SGCZ: variants seen among roughly 807,000 people sequenced by gnomAD.
The protein encoded by SGCZ is zeta-sarcoglycan.
Under a neutral mutation model 41.3 loss-of-function variants are expected in SGCZ, and 40 were observed. That is an observed-to-expected ratio of 0.97 (90% CI 0.75 to 1.26). SGCZ has a LOEUF of 1.26. Ranked by LOEUF, SGCZ falls within the 50% of genes most tolerant of loss-of-function variation. The probability of loss-of-function intolerance (pLI) is 0.00; values close to 1 mark genes in which losing one functional copy is unlikely to be tolerated. For missense variants in SGCZ, 552 were observed against 369.8 expected (o/e 1.49, Z -4.04); for synonymous variants, 206 against 137.5 (o/e 1.50, Z -3.49).
intron 1 of SGCZ, among the ~76,000 whole-genome samples, chr8:14,717,612 T>C (rs890471176): frequency 1.3e-5 from 2 of 152,090 alleles, no homozygotes; most frequent in African/African-American, 4.8e-5. Context: ...TAAAGCCATA[T>C]GCTCAGAAAG....
At chr8:14,500,673 T>C (rs1043296186) in intron 2 of SGCZ, among the ~76,000 whole-genome samples, 1 of 152,064 alleles carries the variant, frequency 6.6e-6, no homozygotes, top group East Asian at 1.9e-4. Context: ...ACAGTTCTAA[T>C]CTTAGTTGAT....
intron 1 of SGCZ, among the ~76,000 whole-genome samples, chr8:14,927,829 A>T (rs1017278104): frequency 6.6e-6 from 1 of 152,174 alleles, no homozygotes; most frequent in African/African-American, 2.4e-5. Context: ...TCTTCTTTCA[A>T]TAATTAATAC....
chr8:14,963,550 G>A (rs1801036481), intron 1 of SGCZ, among the ~76,000 whole-genome samples: 1 of 151,952 alleles, frequency 6.6e-6, no homozygotes, highest in Admixed American at 6.6e-5. Flanking sequence ...GTTTCAACAT[G>A]TTGCCCAGGC....
intron 5 of SGCZ, among the ~76,000 whole-genome samples, chr8:14,158,161 A>AG (rs1803933821): frequency 6.6e-6 from 1 of 152,044 alleles, no homozygotes. Context: ...GTCCTTTAAT[A>AG]GAAGAAAAAA....
intron 1 of SGCZ, among the ~76,000 whole-genome samples, chr8:14,562,105 G>C (rs1421778291): frequency 6.6e-6 from 1 of 151,990 alleles, no homozygotes; most frequent in Non-Finnish European, 1.5e-5. Flanking sequence ...AAATAACTAG[G>C]GTAGCAGAGA....
At chr8:14,233,899 C>T in intron 4 of SGCZ, among the ~76,000 whole-genome samples, 1 of 151,754 alleles carries the variant, frequency 6.6e-6, no homozygotes, top group Admixed American at 6.6e-5. Context: ...GGAGTCTGAC[C>T]TCTTGGGATG....
rs115574723 is a variant in SGCZ at position 14,149,582 on chromosome 8, A to G, written c.547+14998T>C. Among the ~76,000 whole-genome samples, 531 of 152,066 alleles carry G rather than the reference A, an allele frequency of 3.5e-3. 5 individuals are homozygous for G. The highest frequency in any genetic ancestry group is 0.024 in the Middle Eastern group (7 of 294). Reference sequence around the variant, plus strand: ...GGATCGGAAGAATCAATGTTGTTAAAAAGTTCATACCACCCAAAGCTATCT... The same window carrying G: ...GGATCGGAAGAATCAATGTTGTTAAGAAGTTCATACCACCCAAAGCTATCT... On this transcript the variant is annotated intron_variant, in intron 5 of 7. Coordinates refer to ENST00000382080, the MANE Select transcript of SGCZ (RefSeq NM_139167.4).
intron 1 of SGCZ, among the ~76,000 whole-genome samples, chr8:15,049,880 T>C (rs13273301): frequency 0.5 from 75,841 of 152,082 alleles, 19,290 homozygotes; most frequent in Admixed American, 0.6. Context: ...CCTGCCACCA[T>C]ATAAGAGGTG....
chr8:15,001,671 G>A (rs1190540295), intron 1 of SGCZ, among the ~76,000 whole-genome samples: 1 of 145,510 alleles, frequency 6.9e-6, no homozygotes, highest in Non-Finnish European at 1.5e-5. Context: ...GGAGCTTGGA[G>A]TGAGCCGAGA....
At chr8:14,329,800 T>C (rs934177986) in intron 2 of SGCZ, among the ~76,000 whole-genome samples, 4 of 152,190 alleles carry the variant, frequency 2.6e-5, no homozygotes, top group Non-Finnish European at 5.9e-5. Flanking sequence ...CAATCCTGTT[T>C]GTTTTTAGCT....
chr8:14,928,368 G>C (rs1233240525), intron 1 of SGCZ, among the ~76,000 whole-genome samples: 1 of 150,698 alleles, frequency 6.6e-6, no homozygotes, highest in African/African-American at 2.4e-5. Context: ...GAAAAGTGTG[G>C]TTACTCTTCT....
chr8:14,205,667 T>C (rs1369244407), intron 4 of SGCZ, among the ~76,000 whole-genome samples: 1 of 152,138 alleles, frequency 6.6e-6, no homozygotes, highest in African/African-American at 2.4e-5. Flanking sequence ...GTTTTGTTTT[T>C]CATCTAAGTT....
At chr8:14,284,070 T>C (rs7003750) in intron 3 of SGCZ, among the ~76,000 whole-genome samples, 77,980 of 152,074 alleles carry the variant, frequency 0.51, 20,490 homozygotes, top group African/African-American at 0.57. Flanking sequence ...TGTCTCTCCT[T>C]ATTTCTAGTG....
chr8:15,151,925 T>A (rs903116126), intron 1 of SGCZ, among the ~76,000 whole-genome samples: 1 of 152,100 alleles, frequency 6.6e-6, no homozygotes, highest in Non-Finnish European at 1.5e-5. Context: ...GTAAACCACA[T>A]ACACTAAGGG....
At chr8:15,017,158 T>G (rs1803070415) in intron 1 of SGCZ, among the ~76,000 whole-genome samples, 1 of 152,210 alleles carries the variant, frequency 6.6e-6, no homozygotes, top group Non-Finnish European at 1.5e-5. Flanking sequence ...CTTTAAAACT[T>G]TAGTTACTTT....
At chr8:14,192,729 T>C (rs1470923121) in intron 4 of SGCZ, among the ~76,000 whole-genome samples, 1 of 152,202 alleles carries the variant, frequency 6.6e-6, no homozygotes, top group East Asian at 1.9e-4. Flanking sequence ...TATTAAGCTA[T>C]TGTTAGACAT....
chr8:14,111,172 T>C (rs1182065051), intron 5 of SGCZ, among the ~76,000 whole-genome samples: 2 of 152,158 alleles, frequency 1.3e-5, no homozygotes, highest in Admixed American at 6.6e-5. Context: ...TAATAATATA[T>C]GACACTGAGC....
intron 1 of SGCZ, among the ~76,000 whole-genome samples, chr8:14,977,530 A>G (rs778872870): frequency 2.0e-5 from 3 of 152,174 alleles, no homozygotes; most frequent in Non-Finnish European, 2.9e-5. Context: ...AAGAGAGTTT[A>G]TTATGTTCCA....
chr8:15,027,009 T>C (rs1022784491), intron 1 of SGCZ, among the ~76,000 whole-genome samples: 3 of 152,158 alleles, frequency 2.0e-5, no homozygotes, highest in Admixed American at 6.5e-5. Context: ...GACAGAATCA[T>C]GAATGAGGGT....
Sources: gnomAD v4.1 joint callset for allele counts (sites outside exome capture counted in the v4.1 genomes callset) on GRCh38, gnomAD v4.1.1 for gene constraint, MANE v1.5 for transcripts, NCBI Gene and HGNC (gene_info 2026-07-23, HGNC 2026-07-21) for gene names.